The following RANBP2 variants were observed in gnomAD, a reference collection of about 807,000 sequenced individuals.
RANBP2 encodes E3 SUMO-protein ligase RanBP2.
A neutral mutation model predicts 303.6 loss-of-function variants in RANBP2; 57 were observed. The ratio of observed to expected loss-of-function variants is 0.19; its 90% CI spans 0.15 to 0.23. The LOEUF (loss-of-function observed/expected upper bound fraction) is 0.23. Among genes scored for constraint, RANBP2 ranks in the 10% least tolerant of loss-of-function variants. The pLI is 1.00. For synonymous variants in RANBP2, 1,167 were observed against 1,301.5 expected, an observed-to-expected ratio of 0.90 and a Z score of 2.23; for missense variants, 3,138 against 3,780.8, an observed-to-expected ratio of 0.83 and a Z score of 4.46.
the RANBP2 span, among the ~76,000 whole-genome samples, chr2:109,385,514 T>C: frequency 6.6e-6 from 1 of 152,258 alleles, no homozygotes; most frequent in South Asian, 2.1e-4. Context: ...TTAGGTTTCA[T>C]TCGATGTGAA....
the RANBP2 span, chr2:108,815,808 A>G: frequency 1.4e-6 from 1 of 721,344 alleles, no homozygotes; most frequent in Non-Finnish European, 2.2e-6. Context: ...TTGTTTGGAG[A>G]AGCTCTGTCC....
Position 108,783,546 on chromosome 2 carries a change from TATTA to T in RANBP2, c.9370-46_9370-43del, listed in dbSNP as rs144759243. 878 of 1,408,024 alleles carry T rather than the reference TATTA, an allele frequency of 6.2e-4. 6 individuals are homozygous for T. The African/African-American group carries it at 0.011, about 17-fold the overall frequency. 87.2% of individuals were successfully genotyped at this position (1,408,024 alleles called of 1,614,324 possible). ...ATTTTAATATTTTACTCAGGATTCC[TATTA>T]ATTGAAAAAAATTTTTAACTTTTTT... On this transcript the variant is annotated intron_variant, in intron 28 of 28. Transcript: ENST00000283195.
chr2:109,347,951 T>G, the RANBP2 span: 1 of 1,596,082 alleles, frequency 6.3e-7, no homozygotes. Context: ...TTCACCAAGG[T>G]AAGGTGAGCC....
At chr2:109,417,338 A>G in the RANBP2 span, among the ~76,000 whole-genome samples, 1 of 152,124 alleles carries the variant, frequency 6.6e-6, no homozygotes, top group Admixed American at 6.5e-5. Flanking sequence ...GGAGTTCTCT[A>G]GAAGGAAAGT....
At chr2:108,831,659 A>G in the RANBP2 span, among the ~76,000 whole-genome samples, 3 of 151,044 alleles carry the variant, frequency 2.0e-5, no homozygotes, top group Admixed American at 6.6e-5. Flanking sequence ...CCTAGGTTCT[A>G]TCCCTGGAAT....
chr2:109,410,010 C>T, the RANBP2 span, among the ~76,000 whole-genome samples: 78,388 of 151,962 alleles, frequency 0.52, 20,492 homozygotes, highest in Middle Eastern at 0.57. Context: ...TCGGAGCCCC[C>T]GTACAGCCTG....
At chr2:108,790,290 T>C (rs1679692996), downstream of RANBP2, among the ~76,000 whole-genome samples, 1 of 152,178 alleles carries the variant, frequency 6.6e-6, no homozygotes, top group African/African-American at 2.4e-5. Context: ...ATGGAAATTA[T>C]TTTCTTTTTA....
chr2:109,377,745 C>T, the RANBP2 span, among the ~76,000 whole-genome samples: 1 of 152,088 alleles, frequency 6.6e-6, no homozygotes, highest in Non-Finnish European at 1.5e-5. Context: ...CTCATCAGAC[C>T]ACTGGGTTCT....
rs1487261503 is a variant in RANBP2, at chr2:108,765,547, G to C, written c.5008G>C (p.Asp1670His). 6.4e-7 allele frequency: 1 copy of C among 1,553,918 alleles called. No homozygotes were observed. The highest frequency in any genetic ancestry group is 8.7e-7 in the Non-Finnish European group (1 of 1,154,508). ...GTTCACTAAGAAGGAGGGACAGTGG[G>C]ATTGCAGTGTGTGCTTAGTAAGAAA... ...GMFTKKEGQW[D>H]CSVCLVRNEA... The change falls in exon 20 of 29, where the codon GAT (aspartate) becomes CAT (histidine). Residue 1670 changes from aspartate to histidine, a missense_variant. Coordinates refer to ENST00000283195, the MANE Select transcript of RANBP2 (RefSeq NM_006267.5).
At chr2:109,234,666 A>T in the RANBP2 span, among the ~76,000 whole-genome samples, 2 of 152,154 alleles carry the variant, frequency 1.3e-5, no homozygotes. Flanking sequence ...CTTCTTGTTG[A>T]TCTCACAGGG....
chr2:109,619,896 T>C, the RANBP2 span, among the ~76,000 whole-genome samples: 1 of 152,188 alleles, frequency 6.6e-6, no homozygotes, highest in African/African-American at 2.4e-5. Flanking sequence ...CATAAATCAC[T>C]GAATATTAGA....
the RANBP2 span, among the ~76,000 whole-genome samples, chr2:109,031,305 G>C: frequency 1.3e-5 from 2 of 152,184 alleles, no homozygotes; most frequent in African/African-American, 4.8e-5. Context: ...GCACAGATGG[G>C]GGCTCTGATG....
At chr2:109,534,904 C>A in the RANBP2 span, among the ~76,000 whole-genome samples, 1 of 152,070 alleles carries the variant, frequency 6.6e-6, no homozygotes, top group African/African-American at 2.4e-5. Context: ...TGGTGGTGGA[C>A]ATAACCCTGA....
the RANBP2 span, among the ~76,000 whole-genome samples, chr2:109,641,756 CTT>C: frequency 1.3e-5 from 2 of 151,650 alleles, no homozygotes; most frequent in Admixed American, 1.3e-4. Context: ...CCATCACCAT[CTT>C]TTTTTTTAAT....
the RANBP2 span, among the ~76,000 whole-genome samples, chr2:109,684,542 T>TA: frequency 6.7e-6 from 1 of 149,852 alleles, no homozygotes; most frequent in East Asian, 2.0e-4. Flanking sequence ...CCCGGGCTTT[T>TA]TTTTTTTTTG....
the RANBP2 span, among the ~76,000 whole-genome samples, chr2:108,865,066 C>T: frequency 6.6e-6 from 1 of 152,110 alleles, no homozygotes; most frequent in Non-Finnish European, 1.5e-5. Context: ...GGAACAACTG[C>T]AGACACACAC....
the RANBP2 span, among the ~76,000 whole-genome samples, chr2:108,968,731 T>C: frequency 3.3e-5 from 5 of 152,162 alleles, no homozygotes; most frequent in Non-Finnish European, 5.9e-5. Flanking sequence ...TTGATGCTGA[T>C]ACAAAAAGCC....
chr2:109,542,137 A>G, the RANBP2 span, among the ~76,000 whole-genome samples: 2 of 152,220 alleles, frequency 1.3e-5, no homozygotes, highest in African/African-American at 2.4e-5. Flanking sequence ...TTTTATTCCC[A>G]GGAGATTATG....
At chr2:109,714,497 T>TATCCTAGC in the RANBP2 span, among the ~76,000 whole-genome samples, 1 of 152,070 alleles carries the variant, frequency 6.6e-6, no homozygotes, top group Non-Finnish European at 1.5e-5. Flanking sequence ...AGATGGGGTT[T>TATCCTAGC]CACCATATTG....
Sources: allele counts gnomAD v4.1 joint callset (sites outside exome capture counted in the v4.1 genomes callset), GRCh38; gene constraint gnomAD v4.1.1; transcripts MANE v1.5; gene names NCBI Gene and HGNC (gene_info 2026-07-23, HGNC 2026-07-21).